The following GLRA3 variants were observed in gnomAD, a reference collection of about 807,000 sequenced individuals.
GLRA3 encodes the protein glycine receptor alpha 3.
In GLRA3, 44 loss-of-function variants were observed where a neutral mutation model predicts 60.4. The observed-to-expected ratio is 0.73, with a 90% confidence interval of 0.57 to 0.94. GLRA3 has a LOEUF of 0.94. Among genes scored for constraint, GLRA3 ranks in the 40% least tolerant of loss-of-function variants. The probability of loss-of-function intolerance (pLI) is 0.00; values close to 1 mark genes in which losing one functional copy is unlikely to be tolerated. For missense variants in GLRA3, 508 were observed against 564.6 expected, an observed-to-expected ratio of 0.90 and a Z score of 1.02; for synonymous variants, 223 against 192.9, an observed-to-expected ratio of 1.16 and a Z score of -1.29.
chr4:174,767,522 T>G (rs1325586237), intron 2 of GLRA3, among the ~76,000 whole-genome samples: 1 of 152,174 alleles, frequency 6.6e-6, no homozygotes, highest in Non-Finnish European at 1.5e-5. Context: ...AGTTGTTGTT[T>G]GTTCTTTAGT....
At chr4:174,798,945 T>G (rs569753575) in intron 1 of GLRA3, among the ~76,000 whole-genome samples, 1 of 152,162 alleles carries the variant, frequency 6.6e-6, no homozygotes, top group African/African-American at 2.4e-5. Flanking sequence ...AAAAAAAGAT[T>G]TTTAAAACAC....
intron 1 of GLRA3, among the ~76,000 whole-genome samples, chr4:174,815,102 A>G (rs763430078): frequency 2.6e-5 from 4 of 152,232 alleles, no homozygotes; most frequent in Non-Finnish European, 5.9e-5. Flanking sequence ...AATGGAAGAA[A>G]TTGAGCAAAA....
intron 3 of GLRA3, among the ~76,000 whole-genome samples, chr4:174,765,629 C>G (rs1311494507): frequency 6.6e-6 from 1 of 151,958 alleles, no homozygotes; most frequent in Non-Finnish European, 1.5e-5. Flanking sequence ...GGGTATAAAT[C>G]AGGGCCAATT....
intron 3 of GLRA3, among the ~76,000 whole-genome samples, chr4:174,735,576 T>C (rs1736749167): frequency 1.3e-5 from 2 of 152,330 alleles, no homozygotes; most frequent in South Asian, 4.1e-4. Flanking sequence ...TTATTTATTT[T>C]TTGAGATGGA....
At chr4:174,754,121 A>G (rs1241219650) in intron 3 of GLRA3, among the ~76,000 whole-genome samples, 1 of 152,178 alleles carries the variant, frequency 6.6e-6, no homozygotes, top group Non-Finnish European at 1.5e-5. Flanking sequence ...CTTTGTGAAC[A>G]GGATCTGTAG....
chr4:174,825,584 C>A (rs1278237270), intron 1 of GLRA3, among the ~76,000 whole-genome samples: 1 of 152,050 alleles, frequency 6.6e-6, no homozygotes, highest in Admixed American at 6.6e-5. Context: ...AGTTGTTCTG[C>A]AAGCTCTTCA....
Position 174,788,957 on chromosome 4 carries a change from C to A in GLRA3, c.72-14G>T. The A allele has an allele frequency of 1.3e-6, 2 of 1,534,892 alleles. No individual in the cohort carries two copies. The highest frequency in any genetic ancestry group is 1.2e-5 in the South Asian group (1 of 81,706). On this transcript the variant is annotated splice_polypyrimidine_tract_variant and intron_variant, in intron 1 of 9. Transcript: ENST00000274093. ...GTGGCAACCAAACTACAAATAAGAA[C>A]AAAAATATAGACTTTACAAAAAGAA...
At chr4:174,809,819 A>G (rs1740191667) in intron 1 of GLRA3, among the ~76,000 whole-genome samples, 1 of 152,210 alleles carries the variant, frequency 6.6e-6, no homozygotes, top group African/African-American at 2.4e-5. Flanking sequence ...AAAGAATGCT[A>G]TGAACAGCAT....
intron 1 of GLRA3, among the ~76,000 whole-genome samples, chr4:174,811,633 T>C (rs532001470): frequency 6.6e-6 from 1 of 152,262 alleles, no homozygotes; most frequent in South Asian, 2.1e-4. Flanking sequence ...CATAATTCTC[T>C]TTACTAGCCT....
At chr4:174,799,038 T>C (rs1056985220) in intron 1 of GLRA3, among the ~76,000 whole-genome samples, 1 of 151,796 alleles carries the variant, frequency 6.6e-6, no homozygotes, top group Non-Finnish European at 1.5e-5. Flanking sequence ...GCCAGTGAAA[T>C]ATGATTATTA....
chr4:174,654,572 C>T (rs1255392063), intron 9 of GLRA3, among the ~76,000 whole-genome samples: 1 of 152,024 alleles, frequency 6.6e-6, no homozygotes, highest in African/African-American at 2.4e-5. Context: ...TACTGTGTGC[C>T]TATGTTTTCT....
chr4:174,777,653 C>CA (rs916622073), intron 2 of GLRA3, among the ~76,000 whole-genome samples: 18 of 152,030 alleles, frequency 1.2e-4, no homozygotes, highest in Admixed American at 1.1e-3. Flanking sequence ...ATGAATTTGT[C>CA]AAAACCCATA....
intron 1 of GLRA3, among the ~76,000 whole-genome samples, chr4:174,813,521 C>T (rs1323693045): frequency 6.6e-6 from 1 of 152,140 alleles, no homozygotes; most frequent in Non-Finnish European, 1.5e-5. Flanking sequence ...TCTGTGTTGC[C>T]TCGTAACCAG....
intron 9 of GLRA3, among the ~76,000 whole-genome samples, chr4:174,650,417 C>A (rs1732984243): frequency 6.6e-6 from 1 of 152,144 alleles, no homozygotes; most frequent in South Asian, 2.1e-4. Flanking sequence ...CACACATAGA[C>A]TGGAGTTTCT....
At chr4:174,733,701 A>G (rs1019626852) in intron 3 of GLRA3, among the ~76,000 whole-genome samples, 2 of 152,190 alleles carry the variant, frequency 1.3e-5, no homozygotes, top group African/African-American at 2.4e-5. Context: ...AGAAACCTCA[A>G]TAAAGGCTGT....
At chr4:174,739,034 T>C (rs1561087941) in intron 3 of GLRA3, among the ~76,000 whole-genome samples, 1 of 152,260 alleles carries the variant, frequency 6.6e-6, no homozygotes, top group Non-Finnish European at 1.5e-5. Context: ...TGCTCAGATC[T>C]CTGGCTTACA....
chr4:174,743,988 C>T (rs928436084), intron 3 of GLRA3, among the ~76,000 whole-genome samples: 2 of 152,158 alleles, frequency 1.3e-5, no homozygotes, highest in Non-Finnish European at 2.9e-5. Context: ...AGAGGGCTGC[C>T]GGTCTGTGGC....
intron 5 of GLRA3, among the ~76,000 whole-genome samples, chr4:174,701,570 A>G (rs973995274): frequency 1.3e-5 from 2 of 152,222 alleles, no homozygotes; most frequent in East Asian, 1.9e-4. Context: ...CTGTAAGGCT[A>G]TAGCTGCCAT....
intron 3 of GLRA3, among the ~76,000 whole-genome samples, chr4:174,743,790 T>C (rs1205438048): frequency 2.0e-5 from 3 of 152,224 alleles, no homozygotes; most frequent in Non-Finnish European, 2.9e-5. Flanking sequence ...AAACATTTTG[T>C]AATTTCTAAA....
Sources: gnomAD v4.1 joint callset for allele counts (sites outside exome capture counted in the v4.1 genomes callset) on GRCh38, gnomAD v4.1.1 for gene constraint, MANE v1.5 for transcripts, NCBI Gene and HGNC (gene_info 2026-07-23, HGNC 2026-07-21) for gene names.